WDR44: variants seen among roughly 807,000 people sequenced by gnomAD.
WDR44 encodes WD repeat-containing protein 44.
In WDR44, 9 loss-of-function variants were observed where a neutral mutation model predicts 65.7. That is an observed-to-expected ratio of 0.14 (90% CI 0.08 to 0.24). WDR44 has a LOEUF of 0.24. Among genes scored for constraint, WDR44 ranks in the 10% least tolerant of loss-of-function variants. The probability of loss-of-function intolerance (pLI) is 1.00; values close to 1 mark genes in which losing one functional copy is unlikely to be tolerated. For synonymous variants in WDR44, 220 were observed against 235.2 expected, an observed-to-expected ratio of 0.94 and a Z score of 0.59; for missense variants, 425 against 670.9, an observed-to-expected ratio of 0.63 and a Z score of 4.05.
chrX:118,363,195 C>A (rs1338652279), intron 1 of WDR44, among the ~76,000 whole-genome samples: 2 of 107,981 alleles, frequency 1.9e-5, no homozygotes, highest in African/African-American at 6.7e-5. Context: ...GTCAGGAGTT[C>A]AAGACCAGTC....
chrX:118,352,344 ATATATATATTTTT>A lies in WDR44; in HGVS notation c.77+5766_77+5778del, dbSNP rs1306085915. On this transcript the variant is annotated intron_variant, in intron 1 of 19. Coordinates refer to ENST00000254029, the MANE Select transcript of WDR44 (RefSeq NM_019045.5). ...TATATATATATATATATATATATAT[ATATATATATTTTT>A]TTTTTTTTTTTTTTTTGTAGAGATG... is the stretch of plus-strand genomic sequence containing the variant. Among the ~76,000 whole-genome samples the A allele has an allele frequency of 4.8e-3, 111 of 23,028 alleles. 1 individual carries two copies. Among genetic ancestry groups the A allele is most frequent in the African/African-American group, 0.034 (100 of 2,974 alleles). 20.0% of individuals were successfully genotyped at this position (23,028 alleles called of 115,157 possible).
At chrX:118,350,267 GC>G (rs1305194511) in intron 1 of WDR44, among the ~76,000 whole-genome samples, 1 of 111,838 alleles carries the variant, frequency 8.9e-6, no homozygotes, top group Non-Finnish European at 1.9e-5. Flanking sequence ...GAGAGAGAAA[GC>G]AACTTGTAAA....
chrX:118,415,693 G>A (rs758260354), intron 12 of WDR44, among the ~76,000 whole-genome samples: 16 of 111,401 alleles, frequency 1.4e-4, no homozygotes, highest in African/African-American at 3.6e-4. Context: ...TAGTAGAGAC[G>A]AGGTTTCAAC....
chrX:118,347,647 A>G (rs1431178721), intron 1 of WDR44, among the ~76,000 whole-genome samples: 1 of 112,598 alleles, frequency 8.9e-6, no homozygotes, highest in African/African-American at 3.2e-5. Context: ...CGTGGGAGTA[A>G]TAACCCGCTG....
Position 118,369,625 on chromosome X carries a change from C to T in WDR44, c.78-8794C>T, listed in dbSNP as rs762045785. On this transcript the variant is annotated intron_variant, in intron 1 of 19. Transcript: ENST00000254029. ...CTGGGGCTACAGGCGCCCACCACCA[C>T]GCCTGACTAATTTTTTGTATTTTTA... Among the ~76,000 whole-genome samples the T allele has an allele frequency of 2.2e-3, 228 of 104,615 alleles. 2 individuals are homozygous for T. The highest frequency in any genetic ancestry group is 7.8e-3 in the African/African-American group (221 of 28,465). 90.8% of individuals were successfully genotyped at this position (104,615 alleles called of 115,157 possible). A position where few individuals can be genotyped will look rare whatever the true frequency, so the allele number is the denominator to read the frequency against.
At chrX:118,356,417 T>G (rs143838353) in intron 1 of WDR44, among the ~76,000 whole-genome samples, 63 of 111,637 alleles carry the variant, frequency 5.6e-4, no homozygotes, top group African/African-American at 1.9e-3. Context: ...GTTTTATAGA[T>G]TGTTGTCAGT....
chrX:118,425,839 G>A (rs1026124239), intron 12 of WDR44, among the ~76,000 whole-genome samples: 12 of 111,231 alleles, frequency 1.1e-4, no homozygotes, highest in Non-Finnish European at 1.7e-4. Context: ...TTGGGAGGCC[G>A]AGGCAGATGG....
intron 13 of WDR44, among the ~76,000 whole-genome samples, chrX:118,435,991 A>G (rs968854074): frequency 1.8e-5 from 2 of 112,224 alleles, no homozygotes; most frequent in African/African-American, 3.2e-5. Context: ...CTCATTCAGT[A>G]TAACTCATAG....
At chrX:118,379,361 GTC>G (rs1333751182) in intron 2 of WDR44, among the ~76,000 whole-genome samples, 3 of 111,428 alleles carry the variant, frequency 2.7e-5, no homozygotes, top group South Asian at 7.5e-4. Context: ...TTGGATACCA[GTC>G]TCTTTGATAA....
chrX:118,389,449 G>A (rs1031410789), intron 3 of WDR44, among the ~76,000 whole-genome samples: 4 of 111,316 alleles, frequency 3.6e-5, no homozygotes, highest in East Asian at 5.6e-4. Context: ...GGCCGGGCAC[G>A]GTGGCTCACG....
chrX:118,353,254 C>G, intron 1 of WDR44, among the ~76,000 whole-genome samples: 1 of 111,709 alleles, frequency 9.0e-6, no homozygotes, highest in Admixed American at 9.5e-5. Context: ...AGTCTGTCAT[C>G]TCATGATTCA....
chrX:118,350,616 C>T (rs1006734695), intron 1 of WDR44, among the ~76,000 whole-genome samples: 1 of 110,953 alleles, frequency 9.0e-6, no homozygotes, highest in Non-Finnish European at 1.9e-5. Context: ...TAGTTCAAGA[C>T]CCATAAATTT....
At chrX:118,370,254 T>C (rs186790651) in intron 1 of WDR44, among the ~76,000 whole-genome samples, 7 of 111,515 alleles carry the variant, frequency 6.3e-5, no homozygotes, top group East Asian at 5.7e-4. Context: ...GCAAAACATA[T>C]GGTTTAGATG....
intron 12 of WDR44, among the ~76,000 whole-genome samples, chrX:118,419,576 T>G (rs1195226957): frequency 8.9e-6 from 1 of 111,832 alleles, no homozygotes; most frequent in Non-Finnish European, 1.9e-5. Context: ...TCAGAGGGTC[T>G]GTGGGTTCTC....
At chrX:118,370,171 A>G (rs1050606116) in intron 1 of WDR44, among the ~76,000 whole-genome samples, 1 of 112,551 alleles carries the variant, frequency 8.9e-6, no homozygotes, top group African/African-American at 3.2e-5. Flanking sequence ...TCAGACTAAA[A>G]TTGGTCTGAT....
intron 1 of WDR44, among the ~76,000 whole-genome samples, chrX:118,364,190 G>T (rs1394912137): frequency 3.6e-5 from 4 of 112,427 alleles, no homozygotes; most frequent in Non-Finnish European, 7.5e-5. Flanking sequence ...TATTATGACA[G>T]TCTACAATAT....
chrX:118,399,223 A>G (rs1408601965), intron 8 of WDR44, among the ~76,000 whole-genome samples: 1 of 112,319 alleles, frequency 8.9e-6, no homozygotes, highest in Non-Finnish European at 1.9e-5. Flanking sequence ...AACTGTTTTC[A>G]GACAAATACA....
rs763400217 is a variant in WDR44, at chrX:118,404,458, G to T, written c.1381+14G>T. ...TTAGAGATGAAGGTGAGTTAAAACA[G>T]AACATTTCAACTAAACATTCAATTA... On this transcript the variant is annotated intron_variant, in intron 9 of 19. Transcript: ENST00000254029. 1.1e-5 allele frequency: 12 copies of T among 1,096,157 alleles called. No individual in the cohort carries two copies. In the South Asian group the frequency reaches 2.2e-4, roughly 21 times the overall value. The allele number at this position is 1,096,157 out of a possible 1,213,427, so 90.3% of individuals were successfully genotyped here. A position where few individuals can be genotyped will look rare whatever the true frequency, so the allele number is the denominator to read the frequency against.
At chrX:118,395,470 C>T in intron 6 of WDR44, 126 bp downstream of exon 6, 1 of 479,837 alleles carries the variant, frequency 2.1e-6, no homozygotes, top group Non-Finnish European at 3.4e-6. Flanking sequence ...TACTTAATGA[C>T]CCAGAACTAT....
Sources: allele counts gnomAD v4.1 joint callset (sites outside exome capture counted in the v4.1 genomes callset), GRCh38; gene constraint gnomAD v4.1.1; transcripts MANE v1.5; gene names NCBI Gene and HGNC (gene_info 2026-07-23, HGNC 2026-07-21).